CCSER1: variants seen among roughly 807,000 people sequenced by gnomAD.
CCSER1 encodes serine-rich coiled-coil domain-containing protein 1.
Under a neutral mutation model 82.0 loss-of-function variants are expected in CCSER1, and 41 were observed. That is an observed-to-expected ratio of 0.50 (90% CI 0.39 to 0.65). The LOEUF is 0.65. Ranked by LOEUF, CCSER1 falls within the 30% of genes least tolerant of loss-of-function variation. The pLI is 0.00. For synonymous variants in CCSER1, 414 were observed against 383.9 expected, an observed-to-expected ratio of 1.08 and a Z score of -0.92; for missense variants, 1,119 against 1,064.2, an observed-to-expected ratio of 1.05 and a Z score of -0.72.
intron 9 of CCSER1, among the ~76,000 whole-genome samples, chr4:91,039,818 C>G (rs1488686419): frequency 6.6e-6 from 1 of 151,866 alleles, no homozygotes; most frequent in African/African-American, 2.4e-5. Flanking sequence ...CATATTTGAG[C>G]AATTGTATCT....
intron 5 of CCSER1, among the ~76,000 whole-genome samples, chr4:90,507,495 G>A (rs1304988730): frequency 6.6e-6 from 1 of 151,594 alleles, no homozygotes; most frequent in African/African-American, 2.4e-5. Flanking sequence ...CATTCTTTCT[G>A]GACAAGAGAA....
intron 1 of CCSER1, among the ~76,000 whole-genome samples, chr4:90,245,223 A>G (rs1721202495): frequency 6.6e-6 from 1 of 152,238 alleles, no homozygotes; most frequent in Non-Finnish European, 1.5e-5. Context: ...ACATCATGAA[A>G]GGCCTACTTG....
intron 5 of CCSER1, among the ~76,000 whole-genome samples, chr4:90,524,730 G>A (rs988129602): frequency 4.6e-5 from 7 of 152,112 alleles, no homozygotes; most frequent in Admixed American, 2.0e-4. Context: ...GCCTCCCAAA[G>A]TGCTGGGATT....
chr4:91,395,819 A>AACT, intron 10 of CCSER1, among the ~76,000 whole-genome samples: 1 of 151,976 alleles, frequency 6.6e-6, no homozygotes, highest in African/African-American at 2.4e-5. Context: ...ACCTGGTTTT[A>AACT]TGGGGCTCAA....
intron 10 of CCSER1, among the ~76,000 whole-genome samples, chr4:91,173,299 A>G (rs1027618274): frequency 2.6e-5 from 4 of 152,176 alleles, no homozygotes; most frequent in Non-Finnish European, 2.9e-5. Flanking sequence ...GACATTAAGA[A>G]AAGTCATAAG....
intron 10 of CCSER1, among the ~76,000 whole-genome samples, chr4:91,496,001 G>C (rs1222163574): frequency 6.6e-6 from 1 of 151,580 alleles, no homozygotes; most frequent in Non-Finnish European, 1.5e-5. Flanking sequence ...CTTTTACCAT[G>C]AAGAAAGTGC....
Position 90,567,447 on chromosome 4 carries a change from C to A in CCSER1, c.1725-60578C>A, listed in dbSNP as rs542478487. On this transcript the variant is annotated intron_variant, in intron 5 of 10. Coordinates refer to ENST00000509176, the MANE Select transcript of CCSER1 (RefSeq NM_001145065.2). The stretch of plus-strand genomic sequence containing the variant: ...CTGGGTTTACAGACATGCACCACTA[C>A]GCTTTCCTAATTTTGTATTCTTAGT... Among the ~76,000 whole-genome samples the A allele has an allele frequency of 4.6e-5, 7 of 152,080 alleles. No individual in the cohort carries two copies. The South Asian group carries it at 1.5e-3, about 32-fold the overall frequency.
At chr4:90,630,249 TA>T (rs200137711) in intron 6 of CCSER1, among the ~76,000 whole-genome samples, 1,934 of 152,326 alleles carry the variant, frequency 0.013, 23 homozygotes, top group Middle Eastern at 0.02. Flanking sequence ...ACAAACTTAG[TA>T]ACAGCTGTTA....
intron 10 of CCSER1, among the ~76,000 whole-genome samples, chr4:91,299,036 G>T (rs1370092853): frequency 6.6e-6 from 1 of 151,836 alleles, no homozygotes; most frequent in Non-Finnish European, 1.5e-5. Flanking sequence ...GTTGTGGGTG[G>T]GGTTCTGCAT....
At chr4:90,500,603 T>A (rs988026571) in intron 5 of CCSER1, among the ~76,000 whole-genome samples, 1 of 152,146 alleles carries the variant, frequency 6.6e-6, no homozygotes, top group African/African-American at 2.4e-5. Flanking sequence ...AGTGCTAGGA[T>A]TACCGGCGAG....
In CCSER1 at chr4:90,660,233, T is replaced by C. The variant is rs180742200; in HGVS notation, c.1932+32001T>C. Among the ~76,000 whole-genome samples the C allele has an allele frequency of 7.9e-5, 12 of 152,160 alleles. No individual in the cohort carries two copies. In the East Asian group the frequency reaches 2.3e-3, roughly 29 times the overall value. ...TATCAAAAAGATACCTGCACTCACATCTTTATCACAGCACTATTCACTATA... is the reference window on the plus strand; with the variant it reads ...TATCAAAAAGATACCTGCACTCACACCTTTATCACAGCACTATTCACTATA... On this transcript the variant is annotated intron_variant, in intron 6 of 10. Transcript: ENST00000509176.
intron 5 of CCSER1, among the ~76,000 whole-genome samples, chr4:90,613,748 G>T (rs935724347): frequency 4.6e-5 from 7 of 152,142 alleles, no homozygotes; most frequent in African/African-American, 1.7e-4. Flanking sequence ...TAAAGGAACT[G>T]TTAACAAAGG....
intron 5 of CCSER1, among the ~76,000 whole-genome samples, chr4:90,480,070 T>C (rs967182051): frequency 6.6e-6 from 1 of 152,254 alleles, no homozygotes; most frequent in Admixed American, 6.5e-5. Flanking sequence ...ATTGCCATTC[T>C]AACTGGTGTG....
intron 5 of CCSER1, among the ~76,000 whole-genome samples, chr4:90,571,568 G>A (rs909216186): frequency 9.2e-5 from 14 of 152,056 alleles, no homozygotes; most frequent in Admixed American, 7.2e-4. Context: ...CATAAAGATG[G>A]GACAATAGAC....
intron 1 of CCSER1, among the ~76,000 whole-genome samples, chr4:90,273,031 A>AG (rs1726868448): frequency 6.6e-6 from 1 of 151,376 alleles, no homozygotes. Context: ...ACAAAAAAAA[A>AG]CAGAACTATG....
chr4:91,486,251 A>G (rs932379371), intron 10 of CCSER1, among the ~76,000 whole-genome samples: 1 of 152,048 alleles, frequency 6.6e-6, no homozygotes, highest in Non-Finnish European at 1.5e-5. Context: ...CTTTTAAATT[A>G]TAGGGCCTTC....
At position 90,944,233 on chromosome 4, in the gene CCSER1, A is replaced by G. The variant is rs1182565243; in HGVS notation, c.2172+20786A>G. ...GGTGACAGAGCGAGACTCCGCCTCA[A>G]AAAAAAAAAAAAAAATTGAAAAATA... is the stretch of plus-strand genomic sequence containing the variant. On this transcript the variant is annotated intron_variant, in intron 9 of 10. Transcript: ENST00000509176. Among the ~76,000 whole-genome samples, 3 of 145,334 alleles carry G rather than the reference A, an allele frequency of 2.1e-5. No individual in the cohort carries two copies. In the East Asian group the frequency reaches 5.9e-4, roughly 29 times the overall value.
chr4:91,310,945 G>C lies in CCSER1; in HGVS notation c.2217+224951G>C, dbSNP rs1162948215. Among the ~76,000 whole-genome samples, 5 of 151,916 alleles carry C rather than the reference G, an allele frequency of 3.3e-5. No homozygotes were observed. In the Middle Eastern group the frequency reaches 0.014, roughly 413 times the overall value. On this transcript the variant is annotated intron_variant, in intron 10 of 10. Transcript: ENST00000509176. ...CCAATGTGGCCTAGGGAAACCAAAAGATTGGATTCCCCTGGTCTAATCCAT... is the reference window on the plus strand; with the variant it reads ...CCAATGTGGCCTAGGGAAACCAAAACATTGGATTCCCCTGGTCTAATCCAT...
intron 10 of CCSER1, among the ~76,000 whole-genome samples, chr4:91,580,591 A>G (rs980544295): frequency 6.6e-6 from 1 of 151,794 alleles, no homozygotes; most frequent in African/African-American, 2.4e-5. Context: ...CCTGGTGAAC[A>G]GGCAGGCATT....
Sources: gnomAD v4.1 joint callset for allele counts (sites outside exome capture counted in the v4.1 genomes callset) on GRCh38, gnomAD v4.1.1 for gene constraint, MANE v1.5 for transcripts, NCBI Gene and HGNC (gene_info 2026-07-23, HGNC 2026-07-21) for gene names.